The following KCNQ3 variants were observed in gnomAD, a reference collection of about 807,000 sequenced individuals.
The protein encoded by KCNQ3 is potassium voltage-gated channel subfamily Q member 3, also known as potassium voltage-gated channel subfamily KQT member 3.
A neutral mutation model predicts 92.5 loss-of-function variants in KCNQ3; 30 were observed. That is an observed-to-expected ratio of 0.32 (90% CI 0.24 to 0.44). KCNQ3 has a LOEUF of 0.44. Ranked by LOEUF, KCNQ3 falls within the 20% of genes least tolerant of loss-of-function variation. The pLI is 1.00. For missense variants in KCNQ3, 913 were observed against 1,140.3 expected, an observed-to-expected ratio of 0.80 and a Z score of 2.87; for synonymous variants, 450 against 468.8, an observed-to-expected ratio of 0.96 and a Z score of 0.52.
At chr8:132,463,445 G>A (rs964591755) in intron 1 of KCNQ3, among the ~76,000 whole-genome samples, 1 of 152,136 alleles carries the variant, frequency 6.6e-6, no homozygotes, top group East Asian at 1.9e-4. Flanking sequence ...AATTTACTCA[G>A]GAAAGAAATC....
At chr8:132,296,001 C>T (rs1563845942) in intron 1 of KCNQ3, among the ~76,000 whole-genome samples, 1 of 152,154 alleles carries the variant, frequency 6.6e-6, no homozygotes, top group Non-Finnish European at 1.5e-5. Context: ...ATGTAACAAA[C>T]TTACATGTTG....
chr8:132,172,071 C>T (rs555782738), intron 7 of KCNQ3, among the ~76,000 whole-genome samples: 1 of 152,022 alleles, frequency 6.6e-6, no homozygotes, highest in South Asian at 2.1e-4. Flanking sequence ...CCTGTGGTCC[C>T]AACTACTCAG....
chr8:132,234,761 C>T (rs570484875), intron 1 of KCNQ3, among the ~76,000 whole-genome samples: 1 of 152,252 alleles, frequency 6.6e-6, no homozygotes, highest in Non-Finnish European at 1.5e-5. Flanking sequence ...AGTTGTCCAG[C>T]CCCATAGCTT....
chr8:132,161,403 C>T (rs555701572), intron 9 of KCNQ3, among the ~76,000 whole-genome samples: 3 of 152,186 alleles, frequency 2.0e-5, no homozygotes, highest in South Asian at 2.1e-4. Flanking sequence ...CCAAGACGGG[C>T]GGATCACCTG....
At chr8:132,327,743 T>C (rs1818100879) in intron 1 of KCNQ3, among the ~76,000 whole-genome samples, 2 of 152,146 alleles carry the variant, frequency 1.3e-5, no homozygotes, top group Non-Finnish European at 2.9e-5. Context: ...TGTATGAGCA[T>C]GAAGAGGCCT....
rs534695419 is a variant in KCNQ3, at chr8:132,145,333, C to T, written c.1263-4002G>A. On this transcript the variant is annotated intron_variant, in intron 9 of 14. Transcript: ENST00000388996. ...GGAAGGAAGTAATAAAACATTCAAT[C>T]TTCTGATTAACAAAATGTGTCTAAC... is the stretch of plus-strand genomic sequence containing the variant. Among the ~76,000 whole-genome samples, 239 of 152,324 alleles carry T rather than the reference C, an allele frequency of 1.6e-3. 1 individual carries two copies. The highest frequency in any genetic ancestry group is 8.9e-3 in the South Asian group (43 of 4,826).
At chr8:132,164,082 A>G (rs143608951) in intron 8 of KCNQ3, among the ~76,000 whole-genome samples, 42 of 152,142 alleles carry the variant, frequency 2.8e-4, no homozygotes, top group African/African-American at 9.9e-4. Flanking sequence ...CTCACTCCTA[A>G]CTGGGAGGTG....
chr8:132,129,294 A>C lies in KCNQ3; in HGVS notation c.2587T>G (p.Ser863Ala), dbSNP rs1824773305. Residue 863 changes from serine (S) to alanine (A), a missense_variant, in exon 15 of 15, where the codon TCA becomes GCA. Coordinates refer to ENST00000388996, the MANE Select transcript of KCNQ3 (RefSeq NM_004519.4). The surrounding 1 kb of genome is among the most constrained non-coding windows in gnomAD (Gnocchi z 5.9). ...LSSTGDGISD[S>A]VWTPSNKPI The stretch of plus-strand genomic sequence containing the variant: ...GGCTTATTGGAAGGGGTCCATACTG[A>C]ATCAGAAATCCCATCCCCTGTGGAC... 6.2e-7 allele frequency: 1 copy of C among 1,613,612 alleles called. No individual in the cohort carries two copies. The highest frequency in any genetic ancestry group is 1.3e-5 in the African/African-American group (1 of 74,930).
At chr8:132,345,343 A>C (rs973201311) in intron 1 of KCNQ3, among the ~76,000 whole-genome samples, 8 of 152,220 alleles carry the variant, frequency 5.3e-5, no homozygotes, top group Non-Finnish European at 1.2e-4. Flanking sequence ...CCTTGAAAAG[A>C]GTACATAAAA....
At chr8:132,453,854 G>A (rs907168363) in intron 1 of KCNQ3, among the ~76,000 whole-genome samples, 2 of 152,166 alleles carry the variant, frequency 1.3e-5, no homozygotes, top group African/African-American at 4.8e-5. Flanking sequence ...TGCCAAGCAA[G>A]CGCCTGCCAG....
At chr8:132,373,472 C>A (rs1231725414) in intron 1 of KCNQ3, among the ~76,000 whole-genome samples, 1 of 149,196 alleles carries the variant, frequency 6.7e-6, no homozygotes, top group African/African-American at 2.5e-5. Context: ...AGGACAAGAT[C>A]TAAGAGCTTG....
intron 1 of KCNQ3, among the ~76,000 whole-genome samples, chr8:132,214,879 T>C (rs1813975791): frequency 6.6e-6 from 1 of 152,224 alleles, no homozygotes; most frequent in Non-Finnish European, 1.5e-5. Context: ...CCAGGAATAC[T>C]TTTTGAATGA....
At position 132,186,186 on chromosome 8, in the gene KCNQ3, A is replaced by C. The variant is rs748538913; in HGVS notation, c.387-5T>G. 6.2e-7 allele frequency: 1 copy of C among 1,606,472 alleles called. No individual in the cohort carries two copies. Reference sequence around the variant, plus strand: ...CACCCCAGGACAATCAGGAACCTAGAGGGGAAGAAAGAAATGGACTAAGGA... The same window carrying C: ...CACCCCAGGACAATCAGGAACCTAGCGGGGAAGAAAGAAATGGACTAAGGA... On this transcript the variant is annotated splice_region_variant and splice_polypyrimidine_tract_variant and intron_variant, in intron 1 of 14. Transcript: ENST00000388996.
chr8:132,263,659 G>A (rs930477934), intron 1 of KCNQ3, among the ~76,000 whole-genome samples: 1 of 152,184 alleles, frequency 6.6e-6, no homozygotes, highest in Non-Finnish European at 1.5e-5. Context: ...AAAGAATGAT[G>A]GGGGAAGCAA....
intron 1 of KCNQ3, among the ~76,000 whole-genome samples, chr8:132,201,879 T>C (rs1330543190): frequency 6.6e-6 from 1 of 152,200 alleles, no homozygotes; most frequent in East Asian, 1.9e-4. Context: ...CTGTGACAAG[T>C]CTCTGCCCGG....
At chr8:132,180,065 C>T (rs1826702949) in intron 4 of KCNQ3, 92 bp downstream of exon 4, 1 of 1,391,094 alleles carries the variant, frequency 7.2e-7, no homozygotes, top group Admixed American at 1.7e-5. Flanking sequence ...GAATGACTGC[C>T]TTCTGGGGAC....
At chr8:132,288,341 A>G (rs1816737342) in intron 1 of KCNQ3, among the ~76,000 whole-genome samples, 5 of 152,224 alleles carry the variant, frequency 3.3e-5, no homozygotes, top group Admixed American at 3.3e-4. Context: ...CTTGTATGGT[A>G]CAGGACACTA....
At chr8:132,344,789 G>A (rs1354649440) in intron 1 of KCNQ3, among the ~76,000 whole-genome samples, 1 of 152,206 alleles carries the variant, frequency 6.6e-6, no homozygotes, top group Non-Finnish European at 1.5e-5. Context: ...AAGGAGTAAT[G>A]GAGACTGGAG....
chr8:132,368,642 G>T (rs1177317012), intron 1 of KCNQ3, among the ~76,000 whole-genome samples: 1 of 151,152 alleles, frequency 6.6e-6, no homozygotes, highest in South Asian at 2.1e-4. Context: ...GACTGAAAGA[G>T]ACCCTGTCTC....
Sources: allele counts gnomAD v4.1 joint callset (sites outside exome capture counted in the v4.1 genomes callset), GRCh38; gene constraint gnomAD v4.1.1; non-coding constraint Gnocchi (gnomAD v3.1); transcripts MANE v1.5; gene names NCBI Gene and HGNC (gene_info 2026-07-23, HGNC 2026-07-21).